MAPK10: variants seen among roughly 807,000 people sequenced by gnomAD.
The protein encoded by MAPK10 is JNK3 alpha protein kinase.
MAPK10 carries 25 observed loss-of-function variants against 59.3 expected under a neutral mutation model. The ratio of observed to expected loss-of-function variants is 0.42; its 90% CI spans 0.31 to 0.59. The LOEUF is 0.59. MAPK10 is among the 20% of genes least tolerant of loss of function. The pLI is 0.15. For missense variants in MAPK10, 351 were observed against 568.9 expected, an observed-to-expected ratio of 0.62 and a Z score of 3.90; for synonymous variants, 190 against 200.5, an observed-to-expected ratio of 0.95 and a Z score of 0.44.
chr4:86,227,465 C>T (rs1332855181), intron 2 of MAPK10, among the ~76,000 whole-genome samples: 3 of 138,002 alleles, frequency 2.2e-5, no homozygotes, highest in East Asian at 2.1e-4. Context: ...CCAGCCTGGG[C>T]GACAGAGCGA....
intron 2 of MAPK10, among the ~76,000 whole-genome samples, chr4:86,337,002 G>A (rs1721866751): frequency 6.6e-6 from 1 of 151,656 alleles, no homozygotes; most frequent in South Asian, 2.1e-4. Flanking sequence ...TGTTAGCCAG[G>A]ATGATCTCAA....
At chr4:86,030,622 C>T (rs1346026942) in intron 12 of MAPK10, among the ~76,000 whole-genome samples, 2 of 152,146 alleles carry the variant, frequency 1.3e-5, no homozygotes, top group Non-Finnish European at 2.9e-5. Flanking sequence ...TGTGAGTCAT[C>T]GCTCCTGGCC....
chr4:86,319,133 C>T (rs1220966719), intron 2 of MAPK10, among the ~76,000 whole-genome samples: 7 of 151,936 alleles, frequency 4.6e-5, no homozygotes, highest in Admixed American at 2.0e-4. Context: ...GTGGGTAAAA[C>T]GTTGGTTGGA....
At chr4:86,168,844 C>T (rs1292875931) in intron 3 of MAPK10, among the ~76,000 whole-genome samples, 2 of 152,000 alleles carry the variant, frequency 1.3e-5, no homozygotes, top group African/African-American at 2.4e-5. Flanking sequence ...CTCACACGGC[C>T]GGGTACTCCT....
At chr4:86,489,310 GT>G (rs1214539802) in intron 1 of MAPK10, among the ~76,000 whole-genome samples, 1 of 152,080 alleles carries the variant, frequency 6.6e-6, no homozygotes, top group East Asian at 1.9e-4. Flanking sequence ...ATAGACTCAA[GT>G]ATCTCAAAGT....
intron 1 of MAPK10, among the ~76,000 whole-genome samples, chr4:86,379,861 T>G (rs1323876268): frequency 6.6e-6 from 1 of 152,160 alleles, no homozygotes; most frequent in Non-Finnish European, 1.5e-5. Context: ...TATTTTTGTG[T>G]GTGTGTCTTT....
At chr4:86,229,446 T>C (rs1368318519) in intron 2 of MAPK10, among the ~76,000 whole-genome samples, 3 of 152,188 alleles carry the variant, frequency 2.0e-5, no homozygotes, top group African/African-American at 7.2e-5. Flanking sequence ...AGTAAATGTT[T>C]ATCAAGTTTC....
intron 1 of MAPK10, among the ~76,000 whole-genome samples, chr4:86,490,968 T>C (rs1754411091): frequency 6.6e-6 from 1 of 151,998 alleles, no homozygotes; most frequent in African/African-American, 2.4e-5. Context: ...TAATACAGAG[T>C]CGCTGACTTT....
chr4:86,396,722 C>A (rs1013509929), intron 1 of MAPK10, among the ~76,000 whole-genome samples: 12 of 152,046 alleles, frequency 7.9e-5, no homozygotes, highest in Non-Finnish European at 1.5e-5. Context: ...TGTCACATAG[C>A]AAATGCTGGA....
chr4:86,232,806 A>G (rs185862246), intron 2 of MAPK10, among the ~76,000 whole-genome samples: 1 of 152,200 alleles, frequency 6.6e-6, no homozygotes, highest in Admixed American at 6.5e-5. Flanking sequence ...CATGAAATCT[A>G]AGTTCCCTTT....
intron 2 of MAPK10, among the ~76,000 whole-genome samples, chr4:86,240,761 C>T (rs116564515): frequency 0.085 from 12,875 of 151,988 alleles, 1,205 homozygotes; most frequent in African/African-American, 0.23. Flanking sequence ...CTCCTAAATG[C>T]AGCAAACCGA....
chr4:86,264,390 A>G (rs1440413098), intron 2 of MAPK10, among the ~76,000 whole-genome samples: 1 of 152,214 alleles, frequency 6.6e-6, no homozygotes, highest in Non-Finnish European at 1.5e-5. Context: ...CCACCCAAGA[A>G]CAAGAAGAGA....
chr4:86,043,583 T>G (rs1031400396), intron 11 of MAPK10, among the ~76,000 whole-genome samples: 2 of 152,186 alleles, frequency 1.3e-5, no homozygotes, highest in Admixed American at 6.6e-5. Flanking sequence ...GCTTTGATTC[T>G]TTGTTCTTTG....
intron 2 of MAPK10, among the ~76,000 whole-genome samples, chr4:86,265,895 T>C (rs1394822445): frequency 6.6e-6 from 1 of 152,188 alleles, no homozygotes; most frequent in Non-Finnish European, 1.5e-5. Flanking sequence ...CGCTTCTGCA[T>C]GAATCCTAGG....
At chr4:86,544,872 G>C (rs1322565713) in intron 1 of MAPK10, among the ~76,000 whole-genome samples, 1 of 151,490 alleles carries the variant, frequency 6.6e-6, no homozygotes, top group Admixed American at 6.6e-5. Flanking sequence ...CAAACTGAAA[G>C]GTTTTTTTCT....
chr4:86,051,963 C>T (rs1244618854), intron 11 of MAPK10, among the ~76,000 whole-genome samples: 3 of 151,936 alleles, frequency 2.0e-5, no homozygotes, highest in African/African-American at 7.3e-5. Flanking sequence ...CCCCTGAAAG[C>T]CTCACAGCAT....
At chr4:86,455,524 C>G (rs1447195298), upstream of MAPK10, among the ~76,000 whole-genome samples, 1 of 152,078 alleles carries the variant, frequency 6.6e-6, no homozygotes, top group East Asian at 1.9e-4. Context: ...TCAGACAAAA[C>G]AAACTTTAAA....
intron 1 of MAPK10, among the ~76,000 whole-genome samples, chr4:86,440,561 T>C (rs1414386965): frequency 6.6e-6 from 1 of 151,502 alleles, no homozygotes; most frequent in Non-Finnish European, 1.5e-5. Flanking sequence ...GCCCAGAAGG[T>C]TGAGGCTGTA....
chr4:86,203,928 A>C (rs1351141278), intron 2 of MAPK10, among the ~76,000 whole-genome samples: 2 of 151,872 alleles, frequency 1.3e-5, no homozygotes, highest in Non-Finnish European at 2.9e-5. Flanking sequence ...CAAATTCTTA[A>C]GTAGATGTGC....
Sources: allele counts gnomAD v4.1 joint callset (sites outside exome capture counted in the v4.1 genomes callset), GRCh38; gene constraint gnomAD v4.1.1; transcripts MANE v1.5; gene names NCBI Gene and HGNC (gene_info 2026-07-23, HGNC 2026-07-21).